Variants in ACADSB observed in about 807,000 individuals in gnomAD.
ACADSB encodes the protein acyl-CoA dehydrogenase short/branched chain.
ACADSB carries 40 observed loss-of-function variants against 54.1 expected under a neutral mutation model. The observed-to-expected ratio is 0.74, with a 90% CI of 0.57 to 0.96. The LOEUF is 0.96. ACADSB is among the 40% of genes least tolerant of loss of function. The pLI, the probability that ACADSB is intolerant of heterozygous loss-of-function variation, is 0.00. For missense variants in ACADSB, 530 were observed against 510.4 expected (o/e 1.04, Z -0.37); for synonymous variants, 182 against 182.8 (o/e 1.00, Z 0.03).
At chr10:123,050,327 TGTGCTGC>T (rs1359709365) in intron 8 of ACADSB, among the ~76,000 whole-genome samples, 1 of 152,240 alleles carries the variant, frequency 6.6e-6, no homozygotes, top group Non-Finnish European at 1.5e-5. Flanking sequence ...TAATGTTCAG[TGTGCTGC>T]CTCTGTCACT....
chr10:123,025,635 G>A (rs1192613783), intron 1 of ACADSB, among the ~76,000 whole-genome samples: 3 of 151,876 alleles, frequency 2.0e-5, no homozygotes, highest in Non-Finnish European at 4.4e-5. Context: ...GAAATCAATG[G>A]GAACAGAAAA....
At chr10:123,017,416 C>G (rs1020101186) in intron 1 of ACADSB, among the ~76,000 whole-genome samples, 1 of 152,154 alleles carries the variant, frequency 6.6e-6, no homozygotes. Context: ...TTCCCGGGTT[C>G]AAGTGATTCT....
intron 2 of ACADSB, among the ~76,000 whole-genome samples, chr10:123,036,019 A>G (rs528829412): frequency 6.6e-6 from 1 of 152,324 alleles, no homozygotes; most frequent in East Asian, 1.9e-4. Context: ...CTGAGAGAGG[A>G]CATGTATACA....
rs180909489 is a variant in ACADSB at position 123,043,444 on chromosome 10, G to A, written c.807+273G>A. Among the ~76,000 whole-genome samples the A allele has an allele frequency of 2.4e-4, 36 of 152,338 alleles. 1 individual carries two copies. In the East Asian group the frequency reaches 6.4e-3, roughly 27 times the overall value. On this transcript the variant is annotated intron_variant, in intron 6 of 10. Transcript: ENST00000358776. ...TTATAACTTATGTGCTTCTGACCAC[G>A]TATACTTTATAAGCTTGAGACTTGT... is the stretch of plus-strand genomic sequence containing the variant.
intron 1 of ACADSB, among the ~76,000 whole-genome samples, chr10:123,009,477 C>T (rs774622962): frequency 6.6e-6 from 1 of 152,184 alleles, no homozygotes; most frequent in African/African-American, 2.4e-5. Context: ...TTCACACCCC[C>T]TCCCCCAAAA....
At chr10:123,023,199 T>C (rs1377642876) in intron 1 of ACADSB, among the ~76,000 whole-genome samples, 1 of 152,250 alleles carries the variant, frequency 6.6e-6, no homozygotes, top group Non-Finnish European at 1.5e-5. Context: ...GCTGGGTTTA[T>C]AGTTTTATAA....
In ACADSB at chr10:123,053,110, G is replaced by T. The variant is rs57472935; in HGVS notation, c.1178G>T (p.Gly393Val). 1.2e-6 allele frequency: 2 copies of T among 1,614,070 alleles called. No homozygotes were observed. Among genetic ancestry groups the T allele is most frequent in the Admixed American group, 3.3e-5 (2 of 60,002 alleles). ...TGTATCGAGTGGATGGGGGGAGTAG[G>T]CTACACCAAAGATTACCCTGTGGAG... The part of the protein sequence containing the change: ...SKCIEWMGGV[G>V]YTKDYPVEKY... The change falls in exon 10 of 11, where the codon GGC becomes GTC. Residue 393 changes from glycine (G) to valine (V), a missense_variant. Coordinates refer to ENST00000358776, the MANE Select transcript of ACADSB (RefSeq NM_001609.4).
chr10:123,016,111 G>A (rs1850106467), intron 1 of ACADSB, among the ~76,000 whole-genome samples: 1 of 152,166 alleles, frequency 6.6e-6, no homozygotes, highest in Non-Finnish European at 1.5e-5. Flanking sequence ...CACGTTTTAG[G>A]TATTAATAAA....
At position 123,051,192 on chromosome 10, in the gene ACADSB, A is replaced by C; in HGVS notation, c.1128+6A>C. On this transcript the variant is annotated splice_donor_region_variant and intron_variant, in intron 9 of 10. Transcript: ENST00000358776. ...CCAAATACTATGCATCAGAGGTAAA[A>C]AAAAAAAAAAAAAAAAAAAAGGAAA... The C allele has an allele frequency of 7.2e-6, 4 of 553,582 alleles. No homozygotes were observed. The highest frequency in any genetic ancestry group is 1.0e-5 in the Non-Finnish European group (4 of 388,190). 34.3% of individuals were successfully genotyped at this position (553,582 alleles called of 1,614,324 possible). A position where few individuals can be genotyped will look rare whatever the true frequency, so the allele number is the denominator to read the frequency against.
intron 1 of ACADSB, chr10:123,027,626 C>T (rs778001199): frequency 1.2e-5 from 5 of 433,938 alleles, no homozygotes; most frequent in South Asian, 6.5e-5. Context: ...TCTTCCCAGT[C>T]GCAGGTATGT....
chr10:123,045,172 T>TATATATTTTA (rs1491569179), intron 7 of ACADSB, among the ~76,000 whole-genome samples: 3 of 12,484 alleles, frequency 2.4e-4, no homozygotes, highest in Non-Finnish European at 3.7e-4. Flanking sequence ...TATATATATA[T>TATATATTTTA]TTTTTTTTTT....
intron 8 of ACADSB, among the ~76,000 whole-genome samples, chr10:123,050,327 T>C (rs1398046184): frequency 6.6e-6 from 1 of 152,240 alleles, no homozygotes; most frequent in Non-Finnish European, 1.5e-5. Flanking sequence ...TAATGTTCAG[T>C]GTGCTGCCTC....
chr10:123,009,107 G>A (rs1849957098), intron 1 of ACADSB, 36 bp downstream of exon 1: 2 of 1,540,750 alleles, frequency 1.3e-6, no homozygotes, highest in African/African-American at 2.7e-5. Flanking sequence ...TGGGGGCCCA[G>A]GGCGACCTTG....
At position 123,058,245 on chromosome 10, in the gene ACADSB, A is replaced by G. The variant is rs1304531218; in HGVS notation, c.*4480A>G. The G allele has an allele frequency of 6.6e-6, 1 of 152,258 alleles. No individual in the cohort carries two copies. Among genetic ancestry groups the G allele is most frequent in the Non-Finnish European group, 1.5e-5 (1 of 68,040 alleles). 9.4% of individuals were successfully genotyped at this position (152,258 alleles called of 1,614,324 possible). ...GGATTGTATTCGATGTTACAAAACCAATATTCTATGGAGAATGAAAAAAAT... is the reference window on the plus strand; with the variant it reads ...GGATTGTATTCGATGTTACAAAACCGATATTCTATGGAGAATGAAAAAAAT... On this transcript the variant is annotated 3_prime_UTR_variant, in exon 11 of 11. Coordinates refer to ENST00000358776, the MANE Select transcript of ACADSB (RefSeq NM_001609.4).
rs886046798 is a variant in ACADSB, at chr10:123,056,715, A to T, written c.*2950A>T. On this transcript the variant is annotated 3_prime_UTR_variant, in exon 11 of 11. Coordinates refer to ENST00000358776, the MANE Select transcript of ACADSB (RefSeq NM_001609.4). ...CATGCAGTTGCTTAGAATAATCATT[A>T]CTGTTATATGAGAAACATTTTAGTA... The T allele has an allele frequency of 6.6e-6, 1 of 152,256 alleles. No homozygotes were observed. The highest frequency in any genetic ancestry group is 2.4e-5 in the African/African-American group (1 of 41,474). 9.4% of individuals were successfully genotyped at this position (152,256 alleles called of 1,614,324 possible).
chr10:123,053,874 G>T lies in ACADSB; in HGVS notation c.*109G>T. ...GTGGGAATAAACTTCCACAGCATTC[G>T]AATATTTTAATGAAGCCCTTAGTCA... On this transcript the variant is annotated 3_prime_UTR_variant, in exon 11 of 11. Coordinates refer to ENST00000358776, the MANE Select transcript of ACADSB (RefSeq NM_001609.4). 1 of 1,033,506 alleles carries T rather than the reference G, an allele frequency of 9.7e-7. No homozygotes were observed. The allele number at this position is 1,033,506 out of a possible 1,614,324, so 64.0% of individuals were successfully genotyped here.
intron 3 of ACADSB, among the ~76,000 whole-genome samples, chr10:123,038,501 C>A (rs1341218687): frequency 6.6e-6 from 1 of 152,162 alleles, no homozygotes; most frequent in Non-Finnish European, 1.5e-5. Context: ...GGGGGAGGGG[C>A]TATTAGCATA....
intron 1 of ACADSB, among the ~76,000 whole-genome samples, chr10:123,029,925 T>G (rs995622827): frequency 6.6e-6 from 1 of 152,176 alleles, no homozygotes; most frequent in African/African-American, 2.4e-5. Flanking sequence ...CCAAGATCCA[T>G]TCACAGGTTC....
chr10:123,054,227 A>G lies in ACADSB; in HGVS notation c.*462A>G, dbSNP rs1464393761. 5.9e-6 allele frequency: 1 copy of G among 169,956 alleles called. No individual in the cohort carries two copies. The highest frequency in any genetic ancestry group is 1.3e-5 in the Non-Finnish European group (1 of 77,422). The allele number at this position is 169,956 out of a possible 1,614,324, so 10.5% of individuals were successfully genotyped here. A position where few individuals can be genotyped will look rare whatever the true frequency, so the allele number is the denominator to read the frequency against. On this transcript the variant is annotated 3_prime_UTR_variant, in exon 11 of 11. Transcript: ENST00000358776. ...TTTTTAGTAGAGATGGGGTTTTACC[A>G]TATTGCCCAGGCTGGTCTTCTGGCT...
Sources: gnomAD v4.1 joint callset for allele counts (sites outside exome capture counted in the v4.1 genomes callset) on GRCh38, gnomAD v4.1.1 for gene constraint, MANE v1.5 for transcripts, NCBI Gene and HGNC (gene_info 2026-07-23, HGNC 2026-07-21) for gene names.